Variants in TMEM132B observed in about 807,000 individuals in gnomAD.
The protein encoded by TMEM132B is transmembrane protein 132B.
TMEM132B carries 18 observed loss-of-function variants against 90.8 expected under a neutral mutation model. That is an observed-to-expected ratio of 0.20 (90% CI 0.14 to 0.29). The LOEUF (loss-of-function observed/expected upper bound fraction) is 0.29, where lower values mean the gene tolerates loss of function less well. Among genes scored for constraint, TMEM132B ranks in the 10% least tolerant of loss-of-function variants. TMEM132B has a pLI of 1.00. For missense variants in TMEM132B, 1,096 were observed against 1,326.8 expected, an observed-to-expected ratio of 0.83 and a Z score of 2.70; for synonymous variants, 504 against 523.3, an observed-to-expected ratio of 0.96 and a Z score of 0.50.
chr12:125,270,662 G>C (rs535783190), intron 1 of TMEM132B, among the ~76,000 whole-genome samples: 56 of 152,132 alleles, frequency 3.7e-4, no homozygotes, highest in African/African-American at 1.3e-3. Context: ...CCAAAGACAC[G>C]GATGAGGGGA....
At position 125,454,388 on chromosome 12, in the gene TMEM132B, G is replaced by T. The variant is rs1315998987; in HGVS notation, c.1106+38711G>T. On this transcript the variant is annotated intron_variant, in intron 3 of 8. Coordinates refer to ENST00000682704, the MANE Select transcript of TMEM132B (RefSeq NM_001366854.1). ...CCTACAGCCAGCCGTGTGTGTGTGT[G>T]TGTTTGTGTGTGTGTGTGTGTGTGT... Among the ~76,000 whole-genome samples the T allele has an allele frequency of 3.2e-3, 442 of 136,138 alleles. 3 individuals are homozygous for T. Among genetic ancestry groups the T allele is most frequent in the African/African-American group, 0.013 (418 of 32,978 alleles). 89.3% of individuals were successfully genotyped at this position (136,138 alleles called of 152,430 possible). A position where few individuals can be genotyped will look rare whatever the true frequency, so the allele number is the denominator to read the frequency against.
intron 1 of TMEM132B, among the ~76,000 whole-genome samples, chr12:125,297,888 C>A (rs1875711279): frequency 6.6e-6 from 1 of 152,202 alleles, no homozygotes; most frequent in African/African-American, 2.4e-5. Context: ...CTCTCTCTTT[C>A]TCCCACATTA....
chr12:125,211,451 G>C (rs181727993), intron 1 of TMEM132B, among the ~76,000 whole-genome samples: 3 of 152,250 alleles, frequency 2.0e-5, no homozygotes, highest in Admixed American at 2.0e-4. Context: ...GGGCTTCCTG[G>C]GGCACAGCCC....
chr12:125,367,784 G>A (rs544200296), intron 2 of TMEM132B, among the ~76,000 whole-genome samples: 18 of 152,208 alleles, frequency 1.2e-4, no homozygotes, highest in African/African-American at 3.9e-4. Flanking sequence ...TAGAGTTTAC[G>A]TAGGACCAAC....
At chr12:125,453,341 C>T (rs544482964) in intron 3 of TMEM132B, among the ~76,000 whole-genome samples, 6 of 152,080 alleles carry the variant, frequency 3.9e-5, no homozygotes, top group East Asian at 3.9e-4. Context: ...GGAATGGTGA[C>T]GGATGCTGGG....
intron 2 of TMEM132B, among the ~76,000 whole-genome samples, chr12:125,393,760 C>T (rs1879094183): frequency 6.6e-6 from 1 of 152,096 alleles, no homozygotes; most frequent in Non-Finnish European, 1.5e-5. Flanking sequence ...CCCAAGGAGG[C>T]GGAGACAGGG....
At chr12:125,283,601 C>G (rs1875262062) in intron 1 of TMEM132B, among the ~76,000 whole-genome samples, 1 of 152,186 alleles carries the variant, frequency 6.6e-6, no homozygotes, top group South Asian at 2.1e-4. Flanking sequence ...TTGATAGGGC[C>G]AAGTCCAGAG....
chr12:125,540,843 C>T (rs1883936187), intron 4 of TMEM132B, among the ~76,000 whole-genome samples: 1 of 152,246 alleles, frequency 6.6e-6, no homozygotes, highest in Non-Finnish European at 1.5e-5. Flanking sequence ...GTCTGAAATC[C>T]TTATCATGAC....
At chr12:125,566,585 C>T (rs1169499659) in intron 4 of TMEM132B, among the ~76,000 whole-genome samples, 1 of 152,122 alleles carries the variant, frequency 6.6e-6, no homozygotes, top group Non-Finnish European at 1.5e-5. Context: ...TTCTGAGGGG[C>T]ATTCTGTTCA....
At chr12:125,296,038 G>C (rs1482386867) in intron 1 of TMEM132B, among the ~76,000 whole-genome samples, 1 of 152,130 alleles carries the variant, frequency 6.6e-6, no homozygotes, top group Non-Finnish European at 1.5e-5. Context: ...GGTTGCCCTT[G>C]AGTTTGTACT....
chr12:125,577,239 G>A (rs953560828), intron 4 of TMEM132B, among the ~76,000 whole-genome samples: 1 of 151,310 alleles, frequency 6.6e-6, no homozygotes, highest in African/African-American at 2.4e-5. Context: ...TTATGAATTT[G>A]CTCTTTTCAT....
intron 5 of TMEM132B, among the ~76,000 whole-genome samples, chr12:125,627,894 A>T (rs546652255): frequency 6.6e-6 from 1 of 152,156 alleles, no homozygotes; most frequent in South Asian, 2.1e-4. Flanking sequence ...AGATCCCACA[A>T]ATAAGTAAGA....
chr12:125,577,577 T>TA (rs1884968517), intron 4 of TMEM132B, among the ~76,000 whole-genome samples: 1 of 150,190 alleles, frequency 6.7e-6, no homozygotes, highest in South Asian at 2.1e-4. Context: ...GATATAATAT[T>TA]TATATTATTA....
chr12:125,481,590 A>G (rs1229176870), intron 3 of TMEM132B, among the ~76,000 whole-genome samples: 3 of 152,226 alleles, frequency 2.0e-5, no homozygotes, highest in Non-Finnish European at 2.9e-5. Context: ...CCACTGCTCA[A>G]CGAAATAAAA....
intron 5 of TMEM132B, among the ~76,000 whole-genome samples, chr12:125,626,275 T>G (rs1886229253): frequency 6.6e-6 from 1 of 152,218 alleles, no homozygotes; most frequent in Non-Finnish European, 1.5e-5. Context: ...GGTGTTTGTT[T>G]CCATTCATCT....
At chr12:125,461,372 A>C (rs1222428580) in intron 3 of TMEM132B, among the ~76,000 whole-genome samples, 1 of 152,214 alleles carries the variant, frequency 6.6e-6, no homozygotes, top group Non-Finnish European at 1.5e-5. Flanking sequence ...CCTCTCAATC[A>C]GGGTCAAACC....
rs933020246 is a variant in TMEM132B at position 125,408,248 on chromosome 12, G to A, written c.960-7283G>A. On this transcript the variant is annotated intron_variant, in intron 2 of 8. Transcript: ENST00000682704. This position sits in a 1 kb window ranked among gnomAD's most constrained non-coding sequence, Gnocchi z 5.9. The stretch of plus-strand genomic sequence containing the variant: ...ATAGTGTTCCACTGTGAGATGTTAC[G>A]CTTTACCAGTTCCGTTGTCAATGGG... Among the ~76,000 whole-genome samples, 2 of 152,164 alleles carry A rather than the reference G, an allele frequency of 1.3e-5. No homozygotes were observed. The highest frequency in any genetic ancestry group is 2.4e-5 in the African/African-American group (1 of 41,432).
intron 5 of TMEM132B, among the ~76,000 whole-genome samples, chr12:125,606,756 C>A (rs889850841): frequency 6.6e-6 from 1 of 152,216 alleles, no homozygotes; most frequent in Non-Finnish European, 1.5e-5. Flanking sequence ...GCTCCAGTCC[C>A]GGTGACCTGG....
intron 4 of TMEM132B, among the ~76,000 whole-genome samples, chr12:125,532,813 C>T (rs1883681455): frequency 6.6e-6 from 1 of 152,058 alleles, no homozygotes. Context: ...CCACACCCGG[C>T]CTTAGGAACC....
Sources: gnomAD v4.1 joint callset for allele counts (sites outside exome capture counted in the v4.1 genomes callset) on GRCh38, gnomAD v4.1.1 for gene constraint, Gnocchi (gnomAD v3.1) non-coding constraint, MANE v1.5 for transcripts, NCBI Gene and HGNC (gene_info 2026-07-23, HGNC 2026-07-21) for gene names.